OOSP2: variants seen among roughly 807,000 people sequenced by gnomAD.
The protein encoded by OOSP2 is oocyte secreted protein 2, also known as oocyte-secreted protein 2.
Under a neutral mutation model 13.4 loss-of-function variants are expected in OOSP2, and 7 were observed. The ratio of observed to expected loss-of-function variants is 0.52; its 90% confidence interval spans 0.30 to 0.98. The LOEUF is 0.98. OOSP2 is among the 50% of genes least tolerant of loss of function. OOSP2 has a pLI of 0.07. For missense variants in OOSP2, 184 were observed against 188.5 expected (o/e 0.98, Z 0.14); for synonymous variants, 75 against 67.2 (o/e 1.12, Z -0.57).
intron 1 of OOSP2, among the ~76,000 whole-genome samples, chr11:60,042,965 C>T (rs758687681): frequency 5.9e-5 from 9 of 151,658 alleles, no homozygotes; most frequent in South Asian, 2.1e-4. Context: ...AGTGCAGTGG[C>T]GCGATCTTGG....
chr11:60,045,051 A>G (rs1854991187), intron 3 of OOSP2, among the ~76,000 whole-genome samples: 1 of 152,204 alleles, frequency 6.6e-6, no homozygotes, highest in Non-Finnish European at 1.5e-5. Context: ...TAACTCAACT[A>G]CAAAGCAGAG....
At chr11:60,045,705 A>G (rs940270515) in intron 3 of OOSP2, among the ~76,000 whole-genome samples, 4 of 152,198 alleles carry the variant, frequency 2.6e-5, no homozygotes, top group Non-Finnish European at 5.9e-5. Context: ...TAAAATGTAC[A>G]TAATCTAAGA....
intron 3 of OOSP2, among the ~76,000 whole-genome samples, chr11:60,045,941 G>T (rs1370510857): frequency 6.6e-6 from 1 of 151,868 alleles, no homozygotes; most frequent in Non-Finnish European, 1.5e-5. Context: ...CTCTGTCCTT[G>T]TCTGTCCCTG....
chr11:60,042,798 A>G (rs1235171853), intron 1 of OOSP2, among the ~76,000 whole-genome samples: 2 of 152,060 alleles, frequency 1.3e-5, no homozygotes, highest in Non-Finnish European at 2.9e-5. Context: ...TTATTCTAAC[A>G]CATTGCAATT....
intron 2 of OOSP2, among the ~76,000 whole-genome samples, chr11:60,044,369 C>T (rs1372261285): frequency 1.3e-5 from 2 of 152,142 alleles, no homozygotes; most frequent in African/African-American, 4.8e-5. Flanking sequence ...ATTTGACTTA[C>T]AAATCACCTT....
At chr11:60,042,466 T>C (rs1854948586) in intron 1 of OOSP2, among the ~76,000 whole-genome samples, 1 of 152,224 alleles carries the variant, frequency 6.6e-6, no homozygotes, top group African/African-American at 2.4e-5. Flanking sequence ...CCAGTGGTGG[T>C]GGAGTCCTCT....
chr11:60,046,034 G>C (rs1474339802), intron 3 of OOSP2, among the ~76,000 whole-genome samples: 1 of 144,454 alleles, frequency 6.9e-6, no homozygotes, highest in Non-Finnish European at 1.5e-5. Flanking sequence ...CTCTGTCTCT[G>C]TCTGTCTGTC....
In OOSP2 at chr11:60,040,515, A is replaced by G. The variant is rs771251002; in HGVS notation, c.56A>G (p.Asn19Ser). Reference protein sequence around the residue: ...LAVLIWTGAENLHVKISCSLD... With the variant: ...LAVLIWTGAESLHVKISCSLD... Reference sequence around the variant, plus strand: ...GTCTTGATTTGGACCGGTGCTGAGAACCTCCATGGTAAATAACAAGTTTTA... The same window carrying G: ...GTCTTGATTTGGACCGGTGCTGAGAGCCTCCATGGTAAATAACAAGTTTTA... The change falls in exon 1 of 4, where the codon AAC (asparagine) becomes AGC (serine). Residue 19 changes from asparagine to serine, a missense_variant. Coordinates refer to ENST00000278855, the MANE Select transcript of OOSP2 (RefSeq NM_173801.5). The G allele has an allele frequency of 1.9e-6, 3 of 1,570,550 alleles. No individual in the cohort carries two copies. The highest frequency in any genetic ancestry group is 2.6e-6 in the Non-Finnish European group (3 of 1,140,300).
chr11:60,042,341 A>G (rs1854946486), intron 1 of OOSP2, among the ~76,000 whole-genome samples: 1 of 152,168 alleles, frequency 6.6e-6, no homozygotes, highest in Non-Finnish European at 1.5e-5. Flanking sequence ...ACGTAGAGAG[A>G]CGTGATTTAA....
chr11:60,045,431 C>A (rs905901206), intron 3 of OOSP2, among the ~76,000 whole-genome samples: 38 of 151,814 alleles, frequency 2.5e-4, no homozygotes, highest in Non-Finnish European at 5.3e-4. Flanking sequence ...AGTGAAGAAC[C>A]TTGGAAACTA....
At chr11:60,043,104 C>T (rs1169326028) in intron 1 of OOSP2, among the ~76,000 whole-genome samples, 1 of 152,032 alleles carries the variant, frequency 6.6e-6, no homozygotes, top group East Asian at 1.9e-4. Context: ...CGGGGTTTCA[C>T]TGTGTTAGCC....
rs1268973019 is a variant in OOSP2, at chr11:60,047,169, C to G, written c.*96C>G. 2 of 978,564 alleles carry G rather than the reference C, an allele frequency of 2.0e-6. No individual in the cohort carries two copies. Among genetic ancestry groups the G allele is most frequent in the African/African-American group, 3.3e-5 (2 of 61,198 alleles). 60.6% of individuals were successfully genotyped at this position (978,564 alleles called of 1,614,324 possible). On this transcript the variant is annotated 3_prime_UTR_variant, in exon 4 of 4. Transcript: ENST00000278855. ...GCAAAAATATAGTTGGTGTATATCTCTCCTTAAGTCTCTGGTTTCTAAAAA... is the reference window on the plus strand; with the variant it reads ...GCAAAAATATAGTTGGTGTATATCTGTCCTTAAGTCTCTGGTTTCTAAAAA...
chr11:60,044,401 C>A (rs1854983881), intron 2 of OOSP2, among the ~76,000 whole-genome samples: 1 of 152,122 alleles, frequency 6.6e-6, no homozygotes, highest in South Asian at 2.1e-4. Flanking sequence ...CTGTTGGAAA[C>A]CTTTTCATTA....
At chr11:60,042,432 C>T (rs1167435352) in intron 1 of OOSP2, among the ~76,000 whole-genome samples, 2 of 152,212 alleles carry the variant, frequency 1.3e-5, no homozygotes, top group Non-Finnish European at 1.5e-5. Context: ...GATGATTTCT[C>T]TCTAAAGGCG....
At chr11:60,046,147 T>G (rs1855005547) in intron 3 of OOSP2, among the ~76,000 whole-genome samples, 3 of 146,156 alleles carry the variant, frequency 2.1e-5, no homozygotes, top group Non-Finnish European at 4.4e-5. Context: ...TCTCTCTGTC[T>G]CTCTGGTCTC....
chr11:60,046,822 C>A lies in OOSP2; in HGVS notation c.348-122C>A, dbSNP rs1855013721. The A allele has an allele frequency of 3.5e-6, 3 of 850,756 alleles. No individual in the cohort carries two copies. In the South Asian group the frequency reaches 4.0e-5, roughly 11 times the overall value. 52.7% of individuals were successfully genotyped at this position (850,756 alleles called of 1,614,324 possible). A position where few individuals can be genotyped will look rare whatever the true frequency, so the allele number is the denominator to read the frequency against. ...ACGAGGATCTAGAAGGCATAGTATG[C>A]TGGCTCTATGCCATACTCCTGAATG... On this transcript the variant is annotated intron_variant, in intron 3 of 3. Coordinates refer to ENST00000278855, the MANE Select transcript of OOSP2 (RefSeq NM_173801.5).
rs1324260302 is a variant in OOSP2 at position 60,047,681 on chromosome 11, A to G, written c.*608A>G. 6.6e-6 allele frequency: 1 copy of G among 152,112 alleles called. No individual in the cohort carries two copies. The highest frequency in any genetic ancestry group is 1.5e-5 in the Non-Finnish European group (1 of 67,982). 9.4% of individuals were successfully genotyped at this position (152,112 alleles called of 1,614,324 possible). A position where few individuals can be genotyped will look rare whatever the true frequency, so the allele number is the denominator to read the frequency against. ...TAACCACTACCTTAACTGAAATTTG[A>G]TGTTAGGTTTCCCTTGTTCCTCCGA... On this transcript the variant is annotated 3_prime_UTR_variant, in exon 4 of 4. Transcript: ENST00000278855.
intron 1 of OOSP2, among the ~76,000 whole-genome samples, chr11:60,042,198 T>C (rs1442389578): frequency 6.6e-6 from 1 of 152,246 alleles, no homozygotes; most frequent in Non-Finnish European, 1.5e-5. Flanking sequence ...AAATCATAAG[T>C]ATGGGCTTTC....
At chr11:60,044,065 T>G (rs751830051) in intron 2 of OOSP2, among the ~76,000 whole-genome samples, 25 of 152,238 alleles carry the variant, frequency 1.6e-4, no homozygotes, top group Non-Finnish European at 2.9e-4. Context: ...TGAAATCTCT[T>G]GTCATTCAGC....
Sources: gnomAD v4.1 joint callset for allele counts (sites outside exome capture counted in the v4.1 genomes callset) on GRCh38, gnomAD v4.1.1 for gene constraint, MANE v1.5 for transcripts, NCBI Gene and HGNC (gene_info 2026-07-23, HGNC 2026-07-21) for gene names.